Variants in USP15 observed in about 807,000 individuals in gnomAD.
USP15 encodes ubiquitin specific peptidase 15, also known as ubiquitin carboxyl-terminal hydrolase 15.
In USP15, 18 loss-of-function variants were observed where a neutral mutation model predicts 127.1. The ratio of observed to expected loss-of-function variants is 0.14; its 90% CI spans 0.10 to 0.21. The LOEUF (loss-of-function observed/expected upper bound fraction) is 0.21. USP15 is among the 10% of genes least tolerant of loss of function. The probability of loss-of-function intolerance (pLI) is 1.00; values close to 1 mark genes in which losing one functional copy is unlikely to be tolerated. For missense variants in USP15, 805 were observed against 1,159.9 expected (o/e 0.69, Z 4.44); for synonymous variants, 364 against 393.7 (o/e 0.92, Z 0.89).
chr12:62,374,652 C>A, intron 8 of USP15: 1 of 877,348 alleles, frequency 1.1e-6, no homozygotes, highest in Non-Finnish European at 1.4e-6. Flanking sequence ...CATTATTTGA[C>A]TTCATCAATT....
intron 20 of USP15, among the ~76,000 whole-genome samples, chr12:62,396,668 C>A (rs7963950): frequency 6.6e-6 from 1 of 151,796 alleles, no homozygotes; most frequent in African/African-American, 2.4e-5. Context: ...TTCTCCTTCC[C>A]CTTTGCTTTC....
intron 6 of USP15, among the ~76,000 whole-genome samples, chr12:62,341,380 T>G (rs898882124): frequency 1.3e-5 from 2 of 152,210 alleles, no homozygotes; most frequent in Non-Finnish European, 2.9e-5. Context: ...CATTTATATT[T>G]AAGGCTAAAT....
intron 1 of USP15, among the ~76,000 whole-genome samples, chr12:62,289,483 G>C (rs1268587543): frequency 6.6e-6 from 1 of 151,730 alleles, no homozygotes; most frequent in Non-Finnish European, 1.5e-5. Context: ...GTGTTTATTC[G>C]AATCTTCTCT....
At chr12:62,318,612 T>G (rs1315697542) in intron 4 of USP15, among the ~76,000 whole-genome samples, 2 of 152,274 alleles carry the variant, frequency 1.3e-5, no homozygotes, top group South Asian at 4.1e-4. Flanking sequence ...TTAAATATTT[T>G]CCATGTGTTG....
chr12:62,337,478 T>G (rs1017867267), intron 6 of USP15, among the ~76,000 whole-genome samples: 1 of 152,174 alleles, frequency 6.6e-6, no homozygotes, highest in Non-Finnish European at 1.5e-5. Context: ...TTAAATTTTA[T>G]TTTATTTTAA....
chr12:62,389,262 A>C (rs542857920), intron 11 of USP15, among the ~76,000 whole-genome samples, 169 bp from the exon 12 acceptor site: 1 of 152,332 alleles, frequency 6.6e-6, no homozygotes, highest in East Asian at 1.9e-4. Context: ...AACTAGGACA[A>C]ATTATCCATG....
intron 3 of USP15, among the ~76,000 whole-genome samples, chr12:62,313,310 A>C (rs969732297): frequency 1.3e-5 from 2 of 151,690 alleles, no homozygotes; most frequent in East Asian, 1.9e-4. Flanking sequence ...TTAGAAAACT[A>C]TGCCTATTTA....
Position 62,409,940 on chromosome 12 carries a change from A to G in USP15, c.*5565A>G, listed in dbSNP as rs2067997200. On this transcript the variant is annotated 3_prime_UTR_variant, in exon 22 of 22. Transcript: ENST00000280377. ...TTTCTTTTAAACTCCATAAAGGAGT[A>G]TTCGATGTTAACAGACGTAACTCTT... The G allele has an allele frequency of 6.6e-6, 1 of 152,136 alleles. No homozygotes were observed. The highest frequency in any genetic ancestry group is 1.5e-5 in the Non-Finnish European group (1 of 68,008). 9.4% of individuals were successfully genotyped at this position (152,136 alleles called of 1,614,324 possible).
At chr12:62,390,228 A>G (rs1468970289) in intron 14 of USP15, among the ~76,000 whole-genome samples, 1 of 152,172 alleles carries the variant, frequency 6.6e-6, no homozygotes, top group Non-Finnish European at 1.5e-5. Flanking sequence ...CCAAAAGTTT[A>G]CAGTTAGAAG....
Position 62,389,557 on chromosome 12 carries a change from T to C in USP15, c.1557+43T>C, listed in dbSNP as rs751801349. 12 of 1,610,958 alleles carry C rather than the reference T, an allele frequency of 7.4e-6. No individual in the cohort carries two copies. The Admixed American group carries it at 1.0e-4, about 14-fold the overall frequency. ...TTGAAGTATATAAGTTGGTATTTAG[T>C]TTCTCAGTGCTGTAAAACCAGCTTA... On this transcript the variant is annotated intron_variant, in intron 12 of 21. Coordinates refer to ENST00000280377, the MANE Select transcript of USP15 (RefSeq NM_001252078.2).
Position 62,414,176 on chromosome 12 carries a change from C to T in USP15, c.*9801C>T, listed in dbSNP as rs1018106166. The T allele has an allele frequency of 6.6e-6, 1 of 152,076 alleles. No individual in the cohort carries two copies. Among genetic ancestry groups the T allele is most frequent in the African/African-American group, 2.4e-5 (1 of 41,404 alleles). The allele number at this position is 152,076 out of a possible 1,614,324, so 9.4% of individuals were successfully genotyped here. A position where few individuals can be genotyped will look rare whatever the true frequency, so the allele number is the denominator to read the frequency against. On this transcript the variant is annotated 3_prime_UTR_variant, in exon 22 of 22. Transcript: ENST00000280377. ...GAAGACATTTGAAATGTGAGAAGTA[C>T]CAAGATATGACACACACACAGTAAG... is the stretch of plus-strand genomic sequence containing the variant.
intron 6 of USP15, among the ~76,000 whole-genome samples, chr12:62,341,405 A>G (rs1475563255): frequency 6.6e-6 from 1 of 152,142 alleles, no homozygotes; most frequent in Non-Finnish European, 1.5e-5. Flanking sequence ...TTATGTGTGA[A>G]TTTGATCCAG....
intron 9 of USP15, 23 bp downstream of exon 9, chr12:62,381,686 A>AGCAAGGGTACCT: frequency 6.3e-7 from 1 of 1,596,462 alleles, no homozygotes; most frequent in Non-Finnish European, 8.6e-7. Flanking sequence ...AATGCATTTT[A>AGCAAGGGTACCT]GCAAGGGTAC....
In USP15 at chr12:62,409,340, A is replaced by C. The variant is rs2067980360; in HGVS notation, c.*4965A>C. 1 of 152,168 alleles carries C rather than the reference A, an allele frequency of 6.6e-6. No homozygotes were observed. The highest frequency in any genetic ancestry group is 1.5e-5 in the Non-Finnish European group (1 of 68,020). 9.4% of individuals were successfully genotyped at this position (152,168 alleles called of 1,614,324 possible). A position where few individuals can be genotyped will look rare whatever the true frequency, so the allele number is the denominator to read the frequency against. On this transcript the variant is annotated 3_prime_UTR_variant, in exon 22 of 22. Transcript: ENST00000280377. The stretch of plus-strand genomic sequence containing the variant: ...TACAGTCTCAAAGGACAGAGAGAAA[A>C]TCAGTCAAATGGGTTTTGATATTTT...
chr12:62,315,049 C>A, intron 4 of USP15, 133 bp downstream of exon 4: 1 of 836,924 alleles, frequency 1.2e-6, no homozygotes, highest in Non-Finnish European at 1.7e-6. Flanking sequence ...AGCTTTGATA[C>A]AATGTCTTAG....
rs1309497977 is a variant in USP15 at position 62,414,276 on chromosome 12, CAAA to C, written c.*9904_*9906del. The C allele has an allele frequency of 1.3e-4, 20 of 152,120 alleles. No individual in the cohort carries two copies. Among genetic ancestry groups the C allele is most frequent in the Admixed American group, 1.2e-3 (19 of 15,272 alleles). The allele number at this position is 152,120 out of a possible 1,614,324, so 9.4% of individuals were successfully genotyped here. A position where few individuals can be genotyped will look rare whatever the true frequency, so the allele number is the denominator to read the frequency against. ...GCCACAAGCCTTGTTTGTAAAAAAA[CAAA>C]AACAATTATCTTCAAAGCATGATAA... On this transcript the variant is annotated 3_prime_UTR_variant, in exon 22 of 22. Transcript: ENST00000280377.
chr12:62,380,433 C>T (rs1191405847), intron 8 of USP15, among the ~76,000 whole-genome samples: 2 of 151,992 alleles, frequency 1.3e-5, no homozygotes, highest in African/African-American at 4.8e-5. Flanking sequence ...GTGAATTCAA[C>T]AGGCTGAACC....
chr12:62,326,681 T>G (rs995911798), intron 6 of USP15, among the ~76,000 whole-genome samples: 3 of 152,234 alleles, frequency 2.0e-5, no homozygotes, highest in African/African-American at 7.2e-5. Context: ...GAAAAAATTT[T>G]TAAGTTTTTG....
chr12:62,284,599 A>G (rs550355719), intron 1 of USP15, among the ~76,000 whole-genome samples: 10 of 152,330 alleles, frequency 6.6e-5, no homozygotes, highest in African/African-American at 2.2e-4. Context: ...AAGAAACACT[A>G]GAATGGATAA....
Sources: allele counts gnomAD v4.1 joint callset (sites outside exome capture counted in the v4.1 genomes callset), GRCh38; gene constraint gnomAD v4.1.1; transcripts MANE v1.5; gene names NCBI Gene and HGNC (gene_info 2026-07-23, HGNC 2026-07-21).